Variants in RNF212B observed in about 807,000 individuals in gnomAD.
RNF212B encodes the protein E3 ubiquitin-protein ligase RNF212B.
A neutral mutation model predicts 55.5 loss-of-function variants in RNF212B; 52 were observed. That is an observed-to-expected ratio of 0.94 (90% CI 0.75 to 1.18). The LOEUF (loss-of-function observed/expected upper bound fraction) is 1.18, where lower values mean the gene tolerates loss of function less well. Among genes scored for constraint, RNF212B ranks in the 50% most tolerant of loss-of-function variants. The probability of loss-of-function intolerance (pLI) is 0.00; values close to 1 mark genes in which losing one functional copy is unlikely to be tolerated. For synonymous variants in RNF212B, 99 were observed against 121.4 expected (o/e 0.82, Z 1.21); for missense variants, 289 against 350.4 (o/e 0.82, Z 1.40).
intron 9 of RNF212B, among the ~76,000 whole-genome samples, chr14:23,263,548 A>G (rs1417561560): frequency 6.6e-6 from 1 of 152,220 alleles, no homozygotes; most frequent in Non-Finnish European, 1.5e-5. Context: ...ATGCTGAAAG[A>G]TGGAAAAGGA....
chr14:23,269,045 C>T (rs1403132391), intron 12 of RNF212B, 82 bp downstream of exon 12: 9 of 1,186,298 alleles, frequency 7.6e-6, no homozygotes, highest in Non-Finnish European at 9.8e-6. Context: ...TGGCTCACGC[C>T]TGTAATCCCA....
intron 1 of RNF212B, among the ~76,000 whole-genome samples, chr14:23,189,273 T>C: frequency 6.6e-6 from 1 of 152,204 alleles, no homozygotes; most frequent in East Asian, 1.9e-4. Context: ...ATTTACTAAA[T>C]CTGTCAATCT....
intron 2 of RNF212B, among the ~76,000 whole-genome samples, chr14:23,211,043 C>A (rs1316997082): frequency 6.6e-6 from 1 of 151,810 alleles, no homozygotes; most frequent in African/African-American, 2.4e-5. Context: ...CATAGTGAAA[C>A]CCCGTCTCTA....
chr14:23,237,855 A>G (rs1031293981), upstream of RNF212B, among the ~76,000 whole-genome samples: 1 of 151,828 alleles, frequency 6.6e-6, no homozygotes, highest in Non-Finnish European at 1.5e-5. Flanking sequence ...CGCCCCGCGC[A>G]CGCCACGGAG....
chr14:23,208,334 A>C (rs1880058662), intron 2 of RNF212B, among the ~76,000 whole-genome samples: 1 of 152,124 alleles, frequency 6.6e-6, no homozygotes. Context: ...TCCAAAAATA[A>C]ATAAATACAT....
chr14:23,265,262 A>G (rs1407579426), intron 11 of RNF212B, among the ~76,000 whole-genome samples: 1 of 152,242 alleles, frequency 6.6e-6, no homozygotes, highest in Admixed American at 6.5e-5. Flanking sequence ...ATTTTTTTGA[A>G]TTGCCACAAG....
In RNF212B at chr14:23,243,209, A is replaced by T. The variant is rs562520961; in HGVS notation, c.101-47A>T. 7.7e-6 allele frequency: 11 copies of T among 1,436,870 alleles called. No homozygotes were observed. The African/African-American group carries it at 1.0e-4, about 13-fold the overall frequency. 89.0% of individuals were successfully genotyped at this position (1,436,870 alleles called of 1,614,324 possible). A position where few individuals can be genotyped will look rare whatever the true frequency, so the allele number is the denominator to read the frequency against. ...CATGTACTTTAAGTCTTTAAATCTTACCTCATGCTCATGAGAGCCAAATAT... is the reference window on the plus strand; with the variant it reads ...CATGTACTTTAAGTCTTTAAATCTTTCCTCATGCTCATGAGAGCCAAATAT... On this transcript the variant is annotated intron_variant, in intron 2 of 14. Coordinates refer to ENST00000430154, the MANE Select transcript of RNF212B (RefSeq NM_001282322.3).
chr14:23,221,933 GA>G (rs2140406756), intron 2 of RNF212B, among the ~76,000 whole-genome samples: 1 of 152,220 alleles, frequency 6.6e-6, no homozygotes, highest in South Asian at 2.1e-4. Flanking sequence ...AAAGTGCCTT[GA>G]AACAAGTGAT....
At chr14:23,224,594 A>C (rs1944378933) in intron 2 of RNF212B, among the ~76,000 whole-genome samples, 1 of 152,182 alleles carries the variant, frequency 6.6e-6, no homozygotes, top group African/African-American at 2.4e-5. Flanking sequence ...CCATACACAA[A>C]AGTCAAATCA....
chr14:23,205,937 G>C (rs1046476922), intron 2 of RNF212B, among the ~76,000 whole-genome samples: 3 of 152,202 alleles, frequency 2.0e-5, no homozygotes, highest in Admixed American at 6.5e-5. Context: ...GGGTAAGTAT[G>C]AAATTTGCTT....
chr14:23,191,328 G>A (rs117397554), intron 1 of RNF212B, among the ~76,000 whole-genome samples: 6,246 of 134,278 alleles, frequency 0.047, 174 homozygotes, highest in Middle Eastern at 0.09. Context: ...CACCCTGGGC[G>A]ACAAAGTGAG....
chr14:23,269,716 A>C, intron 12 of RNF212B, 147 bp from the exon 13 acceptor site: 1 of 588,474 alleles, frequency 1.7e-6, no homozygotes, highest in African/African-American at 2.0e-5. Flanking sequence ...TGTCTCAAAA[A>C]AAAAAAAAGA....
At chr14:23,233,900 C>A (rs1566416444), upstream of RNF212B, among the ~76,000 whole-genome samples, 1 of 152,102 alleles carries the variant, frequency 6.6e-6, no homozygotes, top group Non-Finnish European at 1.5e-5. Context: ...AGTTCGAGAC[C>A]AGCCTGGCCA....
chr14:23,193,510 T>A (rs752871088), intron 2 of RNF212B: 1 of 152,086 alleles, frequency 6.6e-6, no homozygotes, highest in Non-Finnish European at 1.5e-5. Context: ...CAAGAGGATG[T>A]CTCCCAGAAA....
intron 2 of RNF212B, among the ~76,000 whole-genome samples, chr14:23,242,838 A>C (rs1883696572): frequency 6.6e-6 from 1 of 151,742 alleles, no homozygotes; most frequent in Admixed American, 6.6e-5. Flanking sequence ...AAATGAGTTG[A>C]GGTGGTGGTG....
intron 1 of RNF212B, among the ~76,000 whole-genome samples, chr14:23,187,780 AG>A (rs2140351836): frequency 6.6e-6 from 1 of 152,308 alleles, no homozygotes; most frequent in South Asian, 2.1e-4. Flanking sequence ...TTAAAGCAGA[AG>A]GAAACCCTGC....
intron 13 of RNF212B, 98 bp downstream of exon 13, chr14:23,270,058 C>A: frequency 1.4e-6 from 1 of 733,192 alleles, no homozygotes; most frequent in South Asian, 1.6e-5. Flanking sequence ...AGGTTTGCCC[C>A]CCAAAGAGCA....
At chr14:23,218,896 T>C (rs759220124) in intron 2 of RNF212B, among the ~76,000 whole-genome samples, 16 of 151,926 alleles carry the variant, frequency 1.1e-4, no homozygotes, top group Non-Finnish European at 1.6e-4. Flanking sequence ...GGGCATTTAA[T>C]AATCAAACTC....
chr14:23,196,923 A>G (rs1415140021), intron 2 of RNF212B, among the ~76,000 whole-genome samples: 1 of 152,090 alleles, frequency 6.6e-6, no homozygotes, highest in East Asian at 1.9e-4. Flanking sequence ...CTCACTTGTG[A>G]TAACTAGAGT....
Sources: allele counts gnomAD v4.1 joint callset (sites outside exome capture counted in the v4.1 genomes callset), GRCh38; gene constraint gnomAD v4.1.1; transcripts MANE v1.5; gene names NCBI Gene and HGNC (gene_info 2026-07-23, HGNC 2026-07-21).